STX8: variants seen among roughly 807,000 people sequenced by gnomAD.
The protein encoded by STX8 is syntaxin-8.
In STX8, 23 loss-of-function variants were observed where a neutral mutation model predicts 37.5. That is an observed-to-expected ratio of 0.61 (90% CI 0.44 to 0.87). The LOEUF (loss-of-function observed/expected upper bound fraction) is 0.87. STX8 is among the 40% of genes least tolerant of loss of function. The probability of loss-of-function intolerance (pLI) is 0.00; values close to 1 mark genes in which losing one functional copy is unlikely to be tolerated. For synonymous variants in STX8, 115 were observed against 99.1 expected (o/e 1.16, Z -0.95); for missense variants, 313 against 284.7 (o/e 1.10, Z -0.71).
At chr17:9,522,541 C>CAAAA (rs33970359) in intron 4 of STX8, among the ~76,000 whole-genome samples, 6 of 66,896 alleles carry the variant, frequency 9.0e-5, no homozygotes, top group African/African-American at 1.7e-4. Flanking sequence ...ACTAAAAATC[C>CAAAA]AAAAAAAAAA....
chr17:9,506,408 C>CCT (rs1491241651), intron 4 of STX8, among the ~76,000 whole-genome samples: 1 of 7,238 alleles, frequency 1.4e-4, no homozygotes, highest in African/African-American at 4.7e-4. Context: ...CTCACCCGCT[C>CCT]CCCCCCCCCC....
At position 9,568,454 on chromosome 17, in the gene STX8, A is replaced by T; in HGVS notation, c.34T>A (p.Ser12Thr). ...APDPWFSTYD[S>T]TCQIAQEIAE... ...ATTTCTTGGGCAATTTGACAAGTAG[A>T]ATCGTATGTGGAGAACCTGCACCAA... is the stretch of plus-strand genomic sequence containing the variant. The change falls in exon 2 of 8, where the codon TCT (serine) becomes ACT (threonine). Residue 12 changes from serine (S) to threonine (T), a missense_variant. By Grantham distance (58) the Ser-to-Thr change is moderately conservative. Transcript: ENST00000306357. The T allele has an allele frequency of 1.2e-6, 2 of 1,612,702 alleles. No homozygotes were observed. Among genetic ancestry groups the T allele is most frequent in the Non-Finnish European group, 1.7e-6 (2 of 1,179,840 alleles).
chr17:9,400,249 C>T (rs145223240), intron 6 of STX8, among the ~76,000 whole-genome samples: 66 of 151,590 alleles, frequency 4.4e-4, no homozygotes, highest in African/African-American at 1.4e-3. Flanking sequence ...ACTACAGGCG[C>T]CCGCCACCAC....
At chr17:9,461,789 C>A (rs1164167823) in intron 6 of STX8, among the ~76,000 whole-genome samples, 1 of 151,908 alleles carries the variant, frequency 6.6e-6, no homozygotes, top group Admixed American at 6.6e-5. Context: ...TACAACTCAC[C>A]ATCATGTAGA....
At chr17:9,389,480 GA>G (rs1308182444) in intron 6 of STX8, among the ~76,000 whole-genome samples, 1 of 152,172 alleles carries the variant, frequency 6.6e-6, no homozygotes, top group African/African-American at 2.4e-5. Flanking sequence ...TTCCAGCACA[GA>G]ATGGACAAAA....
At chr17:9,527,819 G>A (rs1054090103) in intron 4 of STX8, among the ~76,000 whole-genome samples, 2 of 152,148 alleles carry the variant, frequency 1.3e-5, no homozygotes, top group African/African-American at 4.8e-5. Flanking sequence ...AAGACATGGT[G>A]GTACCTATTA....
chr17:9,396,952 A>C (rs1280297964), intron 6 of STX8, among the ~76,000 whole-genome samples: 2 of 152,224 alleles, frequency 1.3e-5, no homozygotes, highest in Non-Finnish European at 2.9e-5. Flanking sequence ...GAAGGTGCTG[A>C]CCTAAGTAGC....
At chr17:9,425,768 C>T (rs1012081922) in intron 6 of STX8, among the ~76,000 whole-genome samples, 1 of 152,188 alleles carries the variant, frequency 6.6e-6, no homozygotes, top group Admixed American at 6.5e-5. Context: ...GCACGGACGA[C>T]AATCTGAAAT....
chr17:9,274,316 TAA>T (rs914162652), intron 7 of STX8, among the ~76,000 whole-genome samples: 3 of 151,602 alleles, frequency 2.0e-5, no homozygotes, highest in Admixed American at 6.6e-5. Flanking sequence ...CTTCCTGCAG[TAA>T]AAAAAAGTCT....
intron 6 of STX8, among the ~76,000 whole-genome samples, chr17:9,487,140 A>G (rs1307475043): frequency 6.6e-6 from 1 of 152,188 alleles, no homozygotes; most frequent in Admixed American, 6.5e-5. Flanking sequence ...TTAATTCTCT[A>G]TGAGGAAATT....
chr17:9,446,287 CTA>C (rs1378095043), intron 6 of STX8, among the ~76,000 whole-genome samples: 2 of 152,206 alleles, frequency 1.3e-5, no homozygotes, highest in Admixed American at 1.3e-4. Context: ...TGCTGACTGA[CTA>C]TTCATTGGAA....
chr17:9,444,073 C>T (rs189106799), intron 6 of STX8, among the ~76,000 whole-genome samples: 1 of 152,176 alleles, frequency 6.6e-6, no homozygotes. Flanking sequence ...ACAAAGACCT[C>T]CCTCACACTT....
chr17:9,546,592 T>TTTTTTTTTTTTTTTTC (rs1906531937), intron 3 of STX8, among the ~76,000 whole-genome samples: 1 of 21,860 alleles, frequency 4.6e-5, no homozygotes, highest in South Asian at 1.3e-3. Flanking sequence ...ACAAAAGTGG[T>TTTTTTTTTTTTTTTTC]TTTTTTTTTT....
intron 7 of STX8, among the ~76,000 whole-genome samples, chr17:9,269,973 G>A (rs1178297242): frequency 2.6e-5 from 4 of 152,096 alleles, no homozygotes; most frequent in Admixed American, 6.5e-5. Flanking sequence ...AAACACATGC[G>A]GTACAGAAAT....
chr17:9,317,594 T>C (rs1909426219), intron 7 of STX8, among the ~76,000 whole-genome samples: 1 of 151,680 alleles, frequency 6.6e-6, no homozygotes, highest in African/African-American at 2.4e-5. Flanking sequence ...TGAAACCCCG[T>C]CTCTACTAAA....
intron 6 of STX8, among the ~76,000 whole-genome samples, chr17:9,461,862 G>T (rs1905403223): frequency 6.6e-6 from 1 of 152,108 alleles, no homozygotes; most frequent in African/African-American, 2.4e-5. Flanking sequence ...GGTGATGGGA[G>T]ACACTGACAG....
intron 5 of STX8, among the ~76,000 whole-genome samples, chr17:9,501,949 A>G (rs951454983): frequency 2.6e-5 from 4 of 152,180 alleles, no homozygotes; most frequent in African/African-American, 9.7e-5. Context: ...AGCCTGGGCG[A>G]CAGAGCAAGA....
chr17:9,251,955 G>A (rs1906597260), intron 7 of STX8, among the ~76,000 whole-genome samples: 1 of 151,598 alleles, frequency 6.6e-6, no homozygotes, highest in South Asian at 2.1e-4. Context: ...TCTGAGGTCA[G>A]GAGTTCGAGA....
At chr17:9,357,641 A>G (rs1286867069) in intron 7 of STX8, among the ~76,000 whole-genome samples, 1 of 152,060 alleles carries the variant, frequency 6.6e-6, no homozygotes, top group Non-Finnish European at 1.5e-5. Context: ...GGCTGCAGGG[A>G]GCTGTGATCA....
Sources: gnomAD v4.1 joint callset for allele counts (sites outside exome capture counted in the v4.1 genomes callset) on GRCh38, gnomAD v4.1.1 for gene constraint, MANE v1.5 for transcripts, NCBI Gene and HGNC (gene_info 2026-07-23, HGNC 2026-07-21) for gene names.